HEATR5B: variants seen among roughly 807,000 people sequenced by gnomAD.
The protein encoded by HEATR5B is HEAT repeat-containing protein 5B.
Under a neutral mutation model 224.1 loss-of-function variants are expected in HEATR5B, and 156 were observed. That is an observed-to-expected ratio of 0.70 (90% confidence interval 0.61 to 0.80). HEATR5B has a LOEUF of 0.80. Among genes scored for constraint, HEATR5B ranks in the 30% least tolerant of loss-of-function variants. The pLI, the probability that HEATR5B is intolerant of heterozygous loss-of-function variation, is 0.00. For synonymous variants in HEATR5B, 1,027 were observed against 893.0 expected (o/e 1.15, Z -2.68); for missense variants, 2,323 against 2,535.5 (o/e 0.92, Z 1.80).
rs1229751527 is a variant in HEATR5B, at chr2:37,079,314, T to C, written c.144A>G (p.Lys48=). ...VAANKTDVKE[K]QKKLVEQLTG... Reference sequence around the variant, plus strand: ...TTAATTGTTCAACAAGTTTTTTCTGTTTTTCCTTTACATCGGTCTGTTACA... The same window carrying C: ...TTAATTGTTCAACAAGTTTTTTCTGCTTTTCCTTTACATCGGTCTGTTACA... Residue 48 remains lysine, a synonymous_variant, in exon 3 of 36, where the codon AAA becomes AAG. Transcript: ENST00000233099. 1.9e-6 allele frequency: 3 copies of C among 1,606,002 alleles called. No homozygotes were observed. The highest frequency in any genetic ancestry group is 2.5e-6 in the Non-Finnish European group (3 of 1,177,094).
At chr2:37,070,502 T>C in intron 6 of HEATR5B, 115 bp from the exon 7 acceptor site, 1 of 763,508 alleles carries the variant, frequency 1.3e-6, no homozygotes, top group Non-Finnish European at 2.0e-6. Context: ...TGGTTTAGTT[T>C]CCTTATAATT....
intron 28 of HEATR5B, among the ~76,000 whole-genome samples, chr2:37,007,753 C>A (rs367633512): frequency 1.8e-4 from 28 of 152,316 alleles, no homozygotes; most frequent in African/African-American, 5.5e-4. Flanking sequence ...CCAAAAGTAA[C>A]CCCTTTTCTG....
intron 27 of HEATR5B, among the ~76,000 whole-genome samples, chr2:37,011,043 C>A (rs962080353): frequency 2.0e-5 from 3 of 152,102 alleles, no homozygotes; most frequent in Admixed American, 1.3e-4. Context: ...TTATCTTCTA[C>A]AAAGATAATC....
chr2:37,073,098 T>C (rs745383108), intron 5 of HEATR5B, among the ~76,000 whole-genome samples: 16 of 152,182 alleles, frequency 1.1e-4, no homozygotes, highest in Non-Finnish European at 2.2e-4. Flanking sequence ...ACTAATCCTA[T>C]AATGCCAGTA....
chr2:37,080,776 TA>T (rs34270307), intron 2 of HEATR5B, among the ~76,000 whole-genome samples: 4,550 of 141,832 alleles, frequency 0.032, 72 homozygotes, highest in Middle Eastern at 0.046. Context: ...ATGTACAGAT[TA>T]AAAAAAAAAA....
At chr2:37,057,237 T>C (rs1670967933) in intron 15 of HEATR5B, 80 bp downstream of exon 15, 3 of 1,098,824 alleles carry the variant, frequency 2.7e-6, no homozygotes, top group East Asian at 2.6e-5. Flanking sequence ...CTATACACTA[T>C]TTTCTTTTTA....
intron 3 of HEATR5B, among the ~76,000 whole-genome samples, chr2:37,077,528 G>A (rs933379422): frequency 4.6e-5 from 7 of 152,158 alleles, no homozygotes; most frequent in Admixed American, 6.5e-5. Flanking sequence ...GGCTGATCTC[G>A]AACTCCTGAC....
intron 22 of HEATR5B, among the ~76,000 whole-genome samples, chr2:37,029,591 G>C: frequency 6.6e-6 from 1 of 152,154 alleles, no homozygotes; most frequent in Non-Finnish European, 1.5e-5. Context: ...CTGAACCCAA[G>C]AGGCGGATGT....
chr2:37,070,333 G>C lies in HEATR5B; in HGVS notation c.824C>G (p.Ala275Gly). 1.9e-6 allele frequency: 3 copies of C among 1,613,722 alleles called. No individual in the cohort carries two copies. The highest frequency in any genetic ancestry group is 2.5e-6 in the Non-Finnish European group (3 of 1,179,706). The change falls in exon 7 of 36, where the codon GCC (alanine) becomes GGC (glycine). Residue 275 changes from alanine to glycine, a missense_variant. This residue lies in a region of HEATR5B where 292 missense variants were observed against 332.6 expected (regional missense o/e 0.88). Coordinates refer to ENST00000233099, the MANE Select transcript of HEATR5B (RefSeq NM_019024.3). ...TGACCCTCCACGCAGAAATCCTGTG[G>C]CCATGAGTTCTAAGACTTCATCAAA... The part of the protein sequence containing the change: ...ATFDEVLELM[A>G]TGFLRGGSGF...
chr2:37,064,603 T>C (rs995204248), intron 10 of HEATR5B, 137 bp downstream of exon 10: 7 of 802,804 alleles, frequency 8.7e-6, no homozygotes, highest in South Asian at 1.7e-5. Flanking sequence ...GTTAACACCA[T>C]AGTAAGAACA....
At chr2:36,986,818 T>A (rs183091684) in intron 35 of HEATR5B, among the ~76,000 whole-genome samples, 1 of 152,262 alleles carries the variant, frequency 6.6e-6, no homozygotes, top group African/African-American at 2.4e-5. Context: ...GGTTTCATCA[T>A]ATCGGTCAGG....
At chr2:37,076,363 C>A (rs1672232483) in intron 4 of HEATR5B, among the ~76,000 whole-genome samples, 1 of 151,974 alleles carries the variant, frequency 6.6e-6, no homozygotes, top group Non-Finnish European at 1.5e-5. Context: ...AGACACAAAA[C>A]ACAAAGGGAC....
chr2:37,021,699 G>A (rs1361452901), intron 24 of HEATR5B, among the ~76,000 whole-genome samples: 2 of 151,912 alleles, frequency 1.3e-5, no homozygotes, highest in African/African-American at 2.4e-5. Flanking sequence ...ACCAGTCTGG[G>A]AAACATGGTG....
intron 33 of HEATR5B, among the ~76,000 whole-genome samples, chr2:36,997,968 G>A (rs1438778704): frequency 6.6e-6 from 1 of 152,174 alleles, no homozygotes; most frequent in African/African-American, 2.4e-5. Context: ...TTTGATTCAT[G>A]ATATAAGAGC....
intron 18 of HEATR5B, among the ~76,000 whole-genome samples, chr2:37,042,587 T>C (rs766787397): frequency 7.9e-5 from 12 of 152,206 alleles, no homozygotes; most frequent in Admixed American, 2.0e-4. Flanking sequence ...AATGAATAGC[T>C]CATTTTAAGA....
At chr2:37,006,925 A>C in intron 29 of HEATR5B, 125 bp downstream of exon 29, 1 of 840,182 alleles carries the variant, frequency 1.2e-6, no homozygotes, top group East Asian at 2.7e-5. Flanking sequence ...GTGAGGTGAA[A>C]AATCCTTTCA....
At chr2:37,075,361 A>G in intron 5 of HEATR5B, 124 bp downstream of exon 5, 2 of 682,014 alleles carry the variant, frequency 2.9e-6, no homozygotes, top group Non-Finnish European at 4.9e-6. Flanking sequence ...ATATAATTCT[A>G]GAAAATGAAA....
At chr2:37,009,101 T>C (rs1667621029) in intron 27 of HEATR5B, among the ~76,000 whole-genome samples, 1 of 150,580 alleles carries the variant, frequency 6.6e-6, no homozygotes, top group African/African-American at 2.4e-5. Flanking sequence ...CTACGAAAAA[T>C]ACAAAAATTA....
chr2:37,032,649 T>C lies in HEATR5B; in HGVS notation c.3341A>G (p.Asp1114Gly), dbSNP rs889341539. The C allele has an allele frequency of 1.2e-6, 2 of 1,613,708 alleles. No individual in the cohort carries two copies. ...CTTACTGGCACTACTGCTCTCTTTG[T>C]CCCCTGTATTTTTTGCCAGGCTCAT... ...YAMSLAKNTG[D>G]KESSSANVSP... Residue 1114 changes from aspartate (D) to glycine (G), a missense_variant, in exon 22 of 36, where the codon GAC (aspartate) becomes GGC (glycine). By Grantham distance (94) the Asp-to-Gly change is moderately conservative (BLOSUM62 -1). Transcript: ENST00000233099.
Sources: gnomAD v4.1 joint callset for allele counts (sites outside exome capture counted in the v4.1 genomes callset) on GRCh38, gnomAD v4.1.1 for gene constraint, gnomAD v4.1.1 regional missense constraint, MANE v1.5 for transcripts, NCBI Gene and HGNC (gene_info 2026-07-23, HGNC 2026-07-21) for gene names.